DOCK9: variants seen among roughly 807,000 people sequenced by gnomAD.
DOCK9 encodes the protein dedicator of cytokinesis protein 9.
In DOCK9, 89 loss-of-function variants were observed where a neutral mutation model predicts 263.3. The observed-to-expected ratio is 0.34, with a 90% CI of 0.28 to 0.40. The LOEUF (loss-of-function observed/expected upper bound fraction) is 0.40. Among genes scored for constraint, DOCK9 ranks in the 10% least tolerant of loss-of-function variants. The pLI is 1.00. For synonymous variants in DOCK9, 976 were observed against 973.1 expected, an observed-to-expected ratio of 1.00 and a Z score of -0.06; for missense variants, 2,140 against 2,603.4, an observed-to-expected ratio of 0.82 and a Z score of 3.87.
intron 30 of DOCK9, 99 bp downstream of exon 30, chr13:98,867,326 T>A (rs2094056029): frequency 1.3e-6 from 1 of 763,314 alleles, no homozygotes. Context: ...ATGAAAAAAA[T>A]CAGAAAATTC....
At chr13:98,819,836 T>C (rs1006275374) in intron 45 of DOCK9, among the ~76,000 whole-genome samples, 11 of 152,262 alleles carry the variant, frequency 7.2e-5, no homozygotes, top group Non-Finnish European at 1.5e-4. Context: ...GGATAGTCTA[T>C]GGATATAAAC....
At chr13:99,051,868 A>AAAAAAAAAAAAAAAAAAAC (rs2040715311) in intron 1 of DOCK9, among the ~76,000 whole-genome samples, 1 of 151,730 alleles carries the variant, frequency 6.6e-6, no homozygotes, top group Admixed American at 6.6e-5. Context: ...AAAAAAAAAA[A>AAAAAAAAAAAAAAAAAAAC]AAAAAAAAAT....
chr13:98,843,501 TTG>T (rs1274785586), intron 38 of DOCK9, among the ~76,000 whole-genome samples: 1 of 152,082 alleles, frequency 6.6e-6, no homozygotes, highest in Non-Finnish European at 1.5e-5. Flanking sequence ...ATAATGAGAA[TTG>T]GAGATGTAAA....
chr13:98,860,574 T>G (rs1198028350), intron 32 of DOCK9, 52 bp from the exon 33 acceptor site: 1 of 1,495,296 alleles, frequency 6.7e-7, no homozygotes, highest in Non-Finnish European at 9.0e-7. Flanking sequence ...AAAGGATTCC[T>G]CCCCTGTTCT....
chr13:98,930,387 C>G lies in DOCK9; in HGVS notation c.244-130G>C, dbSNP rs1231082055. 2.1e-5 allele frequency: 15 copies of G among 728,406 alleles called. No individual in the cohort carries two copies. In the East Asian group the frequency reaches 4.1e-4, roughly 20 times the overall value. The allele number at this position is 728,406 out of a possible 1,614,324, so 45.1% of individuals were successfully genotyped here. A position where few individuals can be genotyped will look rare whatever the true frequency, so the allele number is the denominator to read the frequency against. ...TCCCTCCAGTTTCTCCCATCCAGTG[C>G]AGCTGCCTCCTTCCGTCACACACAA... is the stretch of plus-strand genomic sequence containing the variant. On this transcript the variant is annotated intron_variant, in intron 2 of 52. Transcript: ENST00000682017.
intron 1 of DOCK9, among the ~76,000 whole-genome samples, chr13:99,002,636 C>G (rs1190976023): frequency 6.6e-6 from 1 of 152,212 alleles, no homozygotes; most frequent in Non-Finnish European, 1.5e-5. Flanking sequence ...CTAGACCAGG[C>G]TCCCCATTCA....
chr13:98,901,027 G>A (rs2048199416), intron 13 of DOCK9, among the ~76,000 whole-genome samples: 1 of 152,146 alleles, frequency 6.6e-6, no homozygotes, highest in Admixed American at 6.5e-5. Context: ...AACTGGCAAG[G>A]ATAATAGCAC....
intron 45 of DOCK9, 21 bp from the exon 46 acceptor site, chr13:98,810,312 A>G: frequency 6.2e-7 from 1 of 1,612,226 alleles, no homozygotes. Context: ...AGGAGGGCCA[A>G]CAGCAAGAGA....
intron 13 of DOCK9, among the ~76,000 whole-genome samples, chr13:98,899,575 G>A (rs1161385355): frequency 1.3e-5 from 2 of 152,148 alleles, no homozygotes; most frequent in Non-Finnish European, 2.9e-5. Flanking sequence ...GCCTCCCTGG[G>A]TGGGGCGACT....
At chr13:98,962,410 T>C (rs2058731944) in intron 1 of DOCK9, among the ~76,000 whole-genome samples, 3 of 152,222 alleles carry the variant, frequency 2.0e-5, no homozygotes, top group Admixed American at 2.0e-4. Context: ...CTGTAAGCTT[T>C]GTCCCTCACA....
chr13:98,935,442 G>C (rs1288961771), intron 2 of DOCK9, among the ~76,000 whole-genome samples: 2 of 152,192 alleles, frequency 1.3e-5, no homozygotes, highest in African/African-American at 4.8e-5. Context: ...CATGGCTGGA[G>C]GAATTCTGTC....
intron 1 of DOCK9, among the ~76,000 whole-genome samples, chr13:98,977,023 C>G (rs4771321): frequency 0.34 from 51,355 of 152,024 alleles, 8,947 homozygotes; most frequent in Middle Eastern, 0.43. Context: ...AATTGTCCCC[C>G]CTCTGCAGGG....
chr13:98,948,094 C>T (rs888100622), intron 2 of DOCK9, among the ~76,000 whole-genome samples: 23 of 152,072 alleles, frequency 1.5e-4, no homozygotes, highest in Non-Finnish European at 2.5e-4. Flanking sequence ...TCAGGGACTT[C>T]CAGGCCTTTG....
At chr13:98,920,817 G>T in intron 7 of DOCK9, 137 bp downstream of exon 7, 1 of 838,972 alleles carries the variant, frequency 1.2e-6, no homozygotes, top group Non-Finnish European at 1.7e-6. Context: ...AACAAGGCTT[G>T]CCTCATTTAA....
intron 38 of DOCK9, among the ~76,000 whole-genome samples, chr13:98,840,310 G>T (rs1056230684): frequency 3.3e-5 from 5 of 152,220 alleles, no homozygotes; most frequent in African/African-American, 9.6e-5. Context: ...CCACTAGGGG[G>T]CCGTGGTGCC....
intron 15 of DOCK9, among the ~76,000 whole-genome samples, chr13:98,890,382 C>T (rs1211373361): frequency 6.6e-6 from 1 of 152,146 alleles, no homozygotes; most frequent in African/African-American, 2.4e-5. Context: ...TTGACTCATT[C>T]ACAGGCTACC....
At chr13:98,884,694 G>A (rs752401211) in intron 21 of DOCK9, among the ~76,000 whole-genome samples, 2 of 152,170 alleles carry the variant, frequency 1.3e-5, no homozygotes, top group Non-Finnish European at 2.9e-5. Context: ...CCAGTCGGCA[G>A]AGACAGACCT....
chr13:98,986,365 G>A (rs1184130051), intron 1 of DOCK9, among the ~76,000 whole-genome samples: 1 of 152,200 alleles, frequency 6.6e-6, no homozygotes, highest in Non-Finnish European at 1.5e-5. Context: ...GGGGTGGAGG[G>A]GACAGGCCGC....
chr13:98,989,749 T>G (rs925974057), intron 1 of DOCK9, among the ~76,000 whole-genome samples: 1 of 152,192 alleles, frequency 6.6e-6, no homozygotes, highest in Non-Finnish European at 1.5e-5. Flanking sequence ...ATGGTAGACG[T>G]TGACTCATTA....
Sources: gnomAD v4.1 joint callset for allele counts (sites outside exome capture counted in the v4.1 genomes callset) on GRCh38, gnomAD v4.1.1 for gene constraint, MANE v1.5 for transcripts, NCBI Gene and HGNC (gene_info 2026-07-23, HGNC 2026-07-21) for gene names.